The following TFIP11 variants were observed in gnomAD, a reference collection of about 807,000 sequenced individuals.
TFIP11 encodes tuftelin interacting protein 11.
Under a neutral mutation model 96.8 loss-of-function variants are expected in TFIP11, and 86 were observed. The observed-to-expected ratio is 0.89, with a 90% confidence interval of 0.75 to 1.06. The LOEUF is 1.06. Among genes scored for constraint, TFIP11 ranks in the 50% least tolerant of loss-of-function variants. The pLI, the probability that TFIP11 is intolerant of heterozygous loss-of-function variation, is 0.00. For synonymous variants in TFIP11, 405 were observed against 395.2 expected (o/e 1.02, Z -0.29); for missense variants, 881 against 1,076.7 (o/e 0.82, Z 2.54).
intron 14 of TFIP11, chr22:26,493,874 G>C: frequency 4.5e-6 from 2 of 441,892 alleles, no homozygotes; most frequent in South Asian, 4.5e-5. Context: ...GGCGGGGCCT[G>C]GGGTTAGACT....
rs780834913 is a variant in TFIP11 at position 26,491,485 on chromosome 22, T to C, written c.*528A>G. ...CAGATTTTAAAAGGACTGGAGGAGCTTGAGTTTCCTCAGACTTCACAATAC... is the reference window on the plus strand; with the variant it reads ...CAGATTTTAAAAGGACTGGAGGAGCCTGAGTTTCCTCAGACTTCACAATAC... On this transcript the variant is annotated 3_prime_UTR_variant, in exon 15 of 15. Transcript: ENST00000407690. 1.9e-6 allele frequency: 3 copies of C among 1,613,534 alleles called. No homozygotes were observed. Among genetic ancestry groups the C allele is most frequent in the Admixed American group, 1.7e-5 (1 of 60,000 alleles).
intron 10 of TFIP11, among the ~76,000 whole-genome samples, chr22:26,498,542 A>AAAC (rs1491337169): frequency 3.5e-5 from 1 of 28,500 alleles, no homozygotes. Context: ...ACTCCATCTC[A>AAAC]AAAAAAAAAA....
chr22:26,493,694 G>T, intron 14 of TFIP11: 1 of 175,122 alleles, frequency 5.7e-6, no homozygotes, highest in Non-Finnish European at 1.2e-5. Flanking sequence ...CTCCCTTTTA[G>T]CCTATAAAGT....
chr22:26,503,594 T>G (rs999764758), intron 7 of TFIP11, 72 bp downstream of exon 7: 13 of 1,575,650 alleles, frequency 8.3e-6, no homozygotes, highest in Non-Finnish European at 1.1e-5. Context: ...ACTAACAGAA[T>G]GAAGGGATAA....
In TFIP11 at chr22:26,499,116, C is replaced by T; in HGVS notation, c.1317G>A (p.Trp439Ter). 1.3e-6 allele frequency: 2 copies of T among 1,589,068 alleles called. No individual in the cohort carries two copies. The highest frequency in any genetic ancestry group is 1.7e-6 in the Non-Finnish European group (2 of 1,164,214). Residue 439 changes from tryptophan (W) to a stop codon, truncating the protein, a stop_gained, in exon 9 of 15, where the codon TGG becomes TGA. Coordinates refer to ENST00000407690, the MANE Select transcript of TFIP11 (RefSeq NM_012143.4). LOFTEE classifies it high-confidence loss of function. ...YPLMKEYFKEWDPLKDCTYGT... is the reference protein window; with the variant it reads ...YPLMKEYFKE ...CCCAGCAACTCACTTTGAGGGGATC[C>T]CACTCCTTGAAGTACTCCTTCATGA... is the stretch of plus-strand genomic sequence containing the variant.
intron 8 of TFIP11, 86 bp from the exon 9 acceptor site, chr22:26,499,717 G>C: frequency 7.2e-7 from 1 of 1,395,430 alleles, no homozygotes; most frequent in Non-Finnish European, 9.7e-7. Flanking sequence ...CCCATGACAG[G>C]GGAAGTGTGT....
chr22:26,510,467 A>C (rs1457614214), intron 3 of TFIP11, 150 bp downstream of exon 3: 1 of 593,502 alleles, frequency 1.7e-6, no homozygotes, highest in African/African-American at 1.9e-5. Flanking sequence ...TCAGTACTAA[A>C]ACAGGTGAAC....
Position 26,503,700 on chromosome 22 carries a change from A to T in TFIP11, c.614T>A (p.Phe205Tyr). ...SERTTQSMQD[F>Y]PVVDSEEEAE... ...TTCTTCCTCTGAGTCAACCACAGGG[A>T]AGTCTTGCATGGACTGAGTGGTGCG... Residue 205 changes from phenylalanine to tyrosine, a missense_variant, in exon 7 of 15, where the codon TTC becomes TAC. Phe to Tyr is a conservative substitution (Grantham distance 22). Transcript: ENST00000407690. The T allele has an allele frequency of 6.2e-7, 1 of 1,614,076 alleles. No individual in the cohort carries two copies. The highest frequency in any genetic ancestry group is 1.7e-5 in the Admixed American group (1 of 60,000).
intron 14 of TFIP11, chr22:26,492,658 G>C: frequency 2.6e-6 from 1 of 381,942 alleles, no homozygotes; most frequent in Non-Finnish European, 4.9e-6. Context: ...AACATTAACA[G>C]AGAGTCCTCA....
At position 26,498,855 on chromosome 22, in the gene TFIP11, G is replaced by A. The variant is rs1374137079; in HGVS notation, c.1436+14C>T. 11 of 1,608,880 alleles carry A rather than the reference G, an allele frequency of 6.8e-6. No homozygotes were observed. The highest frequency in any genetic ancestry group is 9.4e-6 in the Non-Finnish European group (11 of 1,175,388). ...GAAAGGAGCTGGGGTACAGAGCCCT[G>A]CTCTGTGGTGTACCTGTGAAAGGCA... On this transcript the variant is annotated intron_variant, in intron 10 of 14. Coordinates refer to ENST00000407690, the MANE Select transcript of TFIP11 (RefSeq NM_012143.4).
chr22:26,496,577 TG>T, intron 11 of TFIP11, 143 bp downstream of exon 11: 1 of 1,149,106 alleles, frequency 8.7e-7, no homozygotes, highest in Non-Finnish European at 1.2e-6. Flanking sequence ...AGAAAAAGGC[TG>T]GAATTAACAC....
rs1924194022 is a variant in TFIP11, at chr22:26,512,432, T to C, written c.-211A>G. 6.6e-6 allele frequency: 1 copy of C among 152,196 alleles called. No homozygotes were observed. The highest frequency in any genetic ancestry group is 1.5e-5 in the Non-Finnish European group (1 of 68,104). The allele number at this position is 152,196 out of a possible 1,614,324, so 9.4% of individuals were successfully genotyped here. A position where few individuals can be genotyped will look rare whatever the true frequency, so the allele number is the denominator to read the frequency against. On this transcript the variant is annotated 5_prime_UTR_variant, in exon 1 of 15. It removes an upstream start codon present in the reference 5' UTR. Transcript: ENST00000407690. ...CAGCGTACCAAATTCAGCTTCACCA[T>C]CCGCGCGAGAAGACGCCGCTCCTAC...
At chr22:26,503,076 G>A (rs1411324318) in intron 7 of TFIP11, among the ~76,000 whole-genome samples, 2 of 152,166 alleles carry the variant, frequency 1.3e-5, no homozygotes, top group Non-Finnish European at 2.9e-5. Context: ...AAGAGAGCTG[G>A]CCCTTTCTAT....
rs144137379 is a variant in TFIP11, at chr22:26,510,251, G to A, written c.22C>T (p.Arg8Trp). 175 of 1,614,072 alleles carry A rather than the reference G, an allele frequency of 1.1e-4. 1 individual carries two copies. The Admixed American group carries it at 1.2e-3, about 11-fold the overall frequency. ...TCATCAATGCGGCCTTCCCCATCCC[G>A]GTATAAGTGGGACAATGACATGGCC... MSLSHLY[R>W]DGEGRIDDDD... The change falls in exon 4 of 15, where the codon CGG becomes TGG. Residue 8 changes from arginine (R) to tryptophan (W), a missense_variant. By Grantham distance (101) the Arg-to-Trp change is moderately radical. Coordinates refer to ENST00000407690, the MANE Select transcript of TFIP11 (RefSeq NM_012143.4).
At chr22:26,502,764 T>G (rs1922948740) in intron 7 of TFIP11, among the ~76,000 whole-genome samples, 1 of 152,140 alleles carries the variant, frequency 6.6e-6, no homozygotes. Context: ...TGAGCCCACA[T>G]CCTCATAAGC....
chr22:26,501,863 T>C, intron 8 of TFIP11, 37 bp downstream of exon 8: 2 of 1,518,754 alleles, frequency 1.3e-6, no homozygotes, highest in Non-Finnish European at 1.8e-6. Flanking sequence ...ATTTCTGGGG[T>C]GTGGATCCTG....
At chr22:26,495,739 C>G (rs1921930194) in intron 12 of TFIP11, among the ~76,000 whole-genome samples, 2 of 151,642 alleles carry the variant, frequency 1.3e-5, no homozygotes, top group Non-Finnish European at 2.9e-5. Flanking sequence ...GGAAATAACT[C>G]CCTAATAATT....
At position 26,499,559 on chromosome 22, in the gene TFIP11, G is replaced by A. The variant is rs754036309; in HGVS notation, c.874C>T (p.Pro292Ser). ...YSQISHKHNVPDDGLPLQSQQ... is the reference protein window; with the variant it reads ...YSQISHKHNVSDDGLPLQSQQ... ...GACTGTAGCGGCAGCCCATCATCGG[G>A]AACGTTGTGCTTGTGGCTGATCTGA... Residue 292 changes from proline to serine, a missense_variant, in exon 9 of 15, where the codon CCC (proline) becomes TCC (serine). Transcript: ENST00000407690. The A allele has an allele frequency of 3.7e-6, 6 of 1,614,188 alleles. No homozygotes were observed. The highest frequency in any genetic ancestry group is 3.4e-6 in the Non-Finnish European group (4 of 1,180,046).
intron 6 of TFIP11, 151 bp downstream of exon 6, chr22:26,506,152 G>A: frequency 1.4e-6 from 1 of 712,812 alleles, no homozygotes; most frequent in Non-Finnish European, 2.1e-6. Context: ...ATAAAGCAAG[G>A]TAGCTTAGGA....
Sources: allele counts gnomAD v4.1 joint callset (sites outside exome capture counted in the v4.1 genomes callset), GRCh38; gene constraint gnomAD v4.1.1; transcripts MANE v1.5; gene names NCBI Gene and HGNC (gene_info 2026-07-23, HGNC 2026-07-21).